The following WDR19 variants were observed in gnomAD, a reference collection of about 807,000 sequenced individuals.
WDR19 encodes the protein WD repeat-containing protein 19.
WDR19 carries 121 observed loss-of-function variants against 180.0 expected under a neutral mutation model. The ratio of observed to expected loss-of-function variants is 0.67; its 90% CI spans 0.58 to 0.78. The LOEUF is 0.78. Ranked by LOEUF, WDR19 falls within the 30% of genes least tolerant of loss-of-function variation. The pLI is 0.00. For synonymous variants in WDR19, 497 were observed against 540.7 expected, an observed-to-expected ratio of 0.92 and a Z score of 1.12; for missense variants, 1,450 against 1,640.7, an observed-to-expected ratio of 0.88 and a Z score of 2.01.
chr4:39,242,534 A>G (rs1369225418), intron 21 of WDR19, among the ~76,000 whole-genome samples: 1 of 152,202 alleles, frequency 6.6e-6, no homozygotes, highest in Non-Finnish European at 1.5e-5. Flanking sequence ...CATCAAAAAT[A>G]CTGCAGGCTA....
At chr4:39,230,150 G>A (rs887504944) in intron 17 of WDR19, among the ~76,000 whole-genome samples, 4 of 152,084 alleles carry the variant, frequency 2.6e-5, no homozygotes, top group African/African-American at 9.7e-5. Flanking sequence ...ATTCCTGGGG[G>A]ACCTCTATGA....
intron 2 of WDR19, among the ~76,000 whole-genome samples, chr4:39,186,035 A>G (rs1400488550): frequency 1.3e-5 from 2 of 152,162 alleles, no homozygotes; most frequent in Non-Finnish European, 2.9e-5. Flanking sequence ...TCTAACAGTT[A>G]TATGACAGGA....
intron 1 of WDR19, among the ~76,000 whole-genome samples, chr4:39,183,250 C>CTTTTTTTTTTTTTTTTTTTTT (rs113490249): frequency 8.8e-5 from 7 of 79,250 alleles, no homozygotes; most frequent in African/African-American, 3.0e-4. Flanking sequence ...AAATGGAAGG[C>CTTTTTTTTTTTTTTTTTTTTT]TTTTTTTTTT....
rs1209880327 is a variant in WDR19, at chr4:39,189,743, C to A, written c.252C>A (p.Ala84=). 14 of 1,610,362 alleles carry A rather than the reference C, an allele frequency of 8.7e-6. No individual in the cohort carries two copies. Among genetic ancestry groups the A allele is most frequent in the Non-Finnish European group, 1.1e-5 (13 of 1,178,764 alleles). ...CTAGCTGCATTTATCTTTGGGATGC[C>A]AACACAAATAAGACCAGCCAGTTAG... is the stretch of plus-strand genomic sequence containing the variant. ...EKSSCIYLWD[A]NTNKTSQLDN... is the part of the protein sequence containing the mutation. The change falls in exon 4 of 37, where the codon GCC becomes GCA. Residue 84 remains alanine (A), a synonymous_variant. Coordinates refer to ENST00000399820, the MANE Select transcript of WDR19 (RefSeq NM_025132.4).
chr4:39,242,880 C>T (rs1732107478), intron 21 of WDR19, among the ~76,000 whole-genome samples: 1 of 152,066 alleles, frequency 6.6e-6, no homozygotes, highest in African/African-American at 2.4e-5. Flanking sequence ...GTTAGCCAGG[C>T]TGGTCTTGAA....
At chr4:39,232,997 GA>G (rs1731034644) in intron 19 of WDR19, among the ~76,000 whole-genome samples, 1 of 152,044 alleles carries the variant, frequency 6.6e-6, no homozygotes, top group South Asian at 2.1e-4. Context: ...CATATACAAG[GA>G]AAAATATCAC....
In WDR19 at chr4:39,217,963, T is replaced by C. The variant is rs1729244939; in HGVS notation, c.1357-20T>C. On this transcript the variant is annotated intron_variant, in intron 13 of 36. Transcript: ENST00000399820. ...TTACTCAAATAAATCTGTGAGCCAT[T>C]ATTATTCTTTACGTTTTAGATAGAA... is the stretch of plus-strand genomic sequence containing the variant. 1 of 1,612,816 alleles carries C rather than the reference T, an allele frequency of 6.2e-7. No homozygotes were observed. The highest frequency in any genetic ancestry group is 1.3e-5 in the African/African-American group (1 of 74,876).
At chr4:39,276,999 T>C (rs908121760) in intron 33 of WDR19, 21 bp from the exon 34 acceptor site, 2 of 1,610,470 alleles carry the variant, frequency 1.2e-6, no homozygotes, top group Non-Finnish European at 8.5e-7. Flanking sequence ...CATTTTTAAA[T>C]GACATGATTC....
intron 1 of WDR19, 157 bp from the exon 2 acceptor site, chr4:39,185,569 A>C (rs1725426631): frequency 3.3e-6 from 2 of 607,430 alleles, no homozygotes. Context: ...ATTTTGTTTT[A>C]TTTCTTTTGT....
At chr4:39,285,236 TGTTATC>T in intron 36 of WDR19, among the ~76,000 whole-genome samples, 1 of 107,134 alleles carries the variant, frequency 9.3e-6, no homozygotes, top group Non-Finnish European at 1.8e-5. Context: ...GTGAGATGGC[TGTTATC>T]ATCAGCATCC....
chr4:39,185,704 A>G (rs1431493200), intron 1 of WDR19, 22 bp from the exon 2 acceptor site: 7 of 1,547,760 alleles, frequency 4.5e-6, no homozygotes. Context: ...TGAAAATATT[A>G]AAAATTGTGT....
chr4:39,206,490 A>G (rs536030662), intron 9 of WDR19, among the ~76,000 whole-genome samples: 54 of 152,296 alleles, frequency 3.5e-4, no homozygotes, highest in African/African-American at 1.2e-3. Context: ...CTTGGTCACA[A>G]GTGCTCATAC....
chr4:39,224,530 G>A (rs1036120096), intron 14 of WDR19, among the ~76,000 whole-genome samples: 3 of 151,914 alleles, frequency 2.0e-5, no homozygotes, highest in Admixed American at 1.3e-4. Context: ...ACAGGCGCCC[G>A]CCACCATGCC....
intron 15 of WDR19, among the ~76,000 whole-genome samples, chr4:39,227,205 A>G (rs1248732192): frequency 6.6e-6 from 1 of 152,226 alleles, no homozygotes; most frequent in Admixed American, 6.5e-5. Flanking sequence ...TACTATGTTA[A>G]ATAACACAGC....
At chr4:39,208,134 A>T (rs922072882) in intron 9 of WDR19, among the ~76,000 whole-genome samples, 2 of 152,150 alleles carry the variant, frequency 1.3e-5, no homozygotes, top group Non-Finnish European at 2.9e-5. Flanking sequence ...TAGATAAATT[A>T]AAATGGAATA....
intron 14 of WDR19, among the ~76,000 whole-genome samples, chr4:39,223,391 C>G (rs370504608): frequency 7.0e-4 from 107 of 152,244 alleles, no homozygotes; most frequent in African/African-American, 2.5e-3. Context: ...AGTGCAGTGG[C>G]GCGATCTCAG....
At chr4:39,188,724 A>G (rs1001678426) in intron 3 of WDR19, among the ~76,000 whole-genome samples, 11 of 151,968 alleles carry the variant, frequency 7.2e-5, no homozygotes, top group African/African-American at 2.7e-4. Flanking sequence ...TATCTACCCA[A>G]TCACTCAATT....
chr4:39,189,627 T>C, intron 3 of WDR19, 29 bp from the exon 4 acceptor site: 3 of 1,550,290 alleles, frequency 1.9e-6, no homozygotes, highest in South Asian at 1.2e-5. Flanking sequence ...AAAAACTGTA[T>C]AGTGGTATTT....
At chr4:39,209,765 A>T (rs1728310520) in intron 9 of WDR19, among the ~76,000 whole-genome samples, 1 of 152,100 alleles carries the variant, frequency 6.6e-6, no homozygotes, top group Non-Finnish European at 1.5e-5. Flanking sequence ...TGAAGAAAAT[A>T]AAATTGATAC....
Sources: gnomAD v4.1 joint callset for allele counts (sites outside exome capture counted in the v4.1 genomes callset) on GRCh38, gnomAD v4.1.1 for gene constraint, MANE v1.5 for transcripts, NCBI Gene and HGNC (gene_info 2026-07-23, HGNC 2026-07-21) for gene names.